The following PTPRK variants were observed in gnomAD, a reference collection of about 807,000 sequenced individuals.
The protein encoded by PTPRK is receptor-type tyrosine-protein phosphatase kappa.
In PTPRK, 75 loss-of-function variants were observed where a neutral mutation model predicts 178.0. The observed-to-expected ratio is 0.42, with a 90% CI of 0.35 to 0.51. The LOEUF is 0.51. Among genes scored for constraint, PTPRK ranks in the 20% least tolerant of loss-of-function variants. The pLI is 0.02. For missense variants in PTPRK, 1,441 were observed against 1,797.8 expected, an observed-to-expected ratio of 0.80 and a Z score of 3.59; for synonymous variants, 637 against 620.6, an observed-to-expected ratio of 1.03 and a Z score of -0.39.
intron 2 of PTPRK, among the ~76,000 whole-genome samples, chr6:128,366,572 C>T (rs1003973055): frequency 7.9e-5 from 12 of 152,084 alleles, no homozygotes; most frequent in Non-Finnish European, 1.8e-4. Flanking sequence ...TCACAGTATC[C>T]ATTTTTATGG....
intron 8 of PTPRK, among the ~76,000 whole-genome samples, chr6:128,089,067 T>C (rs567536832): frequency 3.4e-4 from 52 of 152,298 alleles, no homozygotes; most frequent in African/African-American, 1.3e-3. Flanking sequence ...GTTCAAGTGA[T>C]TCTCCTGCCT....
At chr6:128,439,194 C>T (rs1845988170) in intron 1 of PTPRK, among the ~76,000 whole-genome samples, 1 of 152,094 alleles carries the variant, frequency 6.6e-6, no homozygotes, top group African/African-American at 2.4e-5. Flanking sequence ...TTATGCATTT[C>T]CCCTTCCCCT....
chr6:128,282,566 T>C (rs1447611346), intron 3 of PTPRK, among the ~76,000 whole-genome samples: 2 of 152,208 alleles, frequency 1.3e-5, no homozygotes, highest in Admixed American at 1.3e-4. Flanking sequence ...TGCTTCACAA[T>C]TGCAATTTTA....
At position 128,257,138 on chromosome 6, in the gene PTPRK, G is replaced by A. The variant is rs562334418; in HGVS notation, c.496-14536C>T. On this transcript the variant is annotated intron_variant, in intron 3 of 29. Coordinates refer to ENST00000368226, the MANE Select transcript of PTPRK (RefSeq NM_002844.4). ...CCAGCTACTCGGGAGGCTGAGGCAG[G>A]AGAATTGCTTGAACATGGGAGGCGG... is the stretch of plus-strand genomic sequence containing the variant. Among the ~76,000 whole-genome samples, 6 of 151,814 alleles carry A rather than the reference G, an allele frequency of 4.0e-5. No individual in the cohort carries two copies. The South Asian group carries it at 1.0e-3, about 26-fold the overall frequency.
At chr6:128,470,714 G>A (rs1318632421) in intron 1 of PTPRK, among the ~76,000 whole-genome samples, 1 of 144,490 alleles carries the variant, frequency 6.9e-6, no homozygotes, top group Non-Finnish European at 1.5e-5. Context: ...CAGGTTCAAT[G>A]AGGCATTATC....
rs1356373963 is a variant in PTPRK at position 128,302,143 on chromosome 6, C to A, written c.495+19896G>T. 2.6e-5 allele frequency among the ~76,000 whole-genome samples: 4 copies of A among 152,164 alleles called. No homozygotes were observed. In the East Asian group the frequency reaches 7.7e-4, roughly 29 times the overall value. ...GTGGCTCACGCCTGTAATCTCAACA[C>A]TTTGGGAGGCCGGGGTGGGCGGATC... On this transcript the variant is annotated intron_variant, in intron 3 of 29. Transcript: ENST00000368226.
chr6:128,397,160 T>G (rs553632540), intron 2 of PTPRK, among the ~76,000 whole-genome samples: 91 of 152,296 alleles, frequency 6.0e-4, no homozygotes, highest in African/African-American at 2.1e-3. Context: ...CTCCTTACAA[T>G]GTAATAAAAT....
chr6:128,057,635 T>C (rs1780123748), intron 13 of PTPRK, among the ~76,000 whole-genome samples: 2 of 152,198 alleles, frequency 1.3e-5, no homozygotes. Context: ...AAGAGGCTCT[T>C]GGAAGCTTGC....
intron 3 of PTPRK, among the ~76,000 whole-genome samples, chr6:128,246,559 T>C (rs1210522101): frequency 6.6e-6 from 1 of 152,258 alleles, no homozygotes; most frequent in Non-Finnish European, 1.5e-5. Flanking sequence ...GCTAAAGATC[T>C]AATCAGCTTT....
chr6:128,188,878 C>A (rs1382769142), intron 6 of PTPRK, among the ~76,000 whole-genome samples: 2 of 152,214 alleles, frequency 1.3e-5, no homozygotes, highest in African/African-American at 2.4e-5. Flanking sequence ...CCTCTGCCTT[C>A]CATATGGATA....
chr6:127,982,397 C>A (rs534409346), intron 24 of PTPRK, among the ~76,000 whole-genome samples: 1 of 152,044 alleles, frequency 6.6e-6, no homozygotes, highest in East Asian at 1.9e-4. Flanking sequence ...CTCAGCCTCC[C>A]GAGTAGCTGG....
intron 13 of PTPRK, among the ~76,000 whole-genome samples, chr6:128,026,238 T>A (rs1471116078): frequency 2.6e-5 from 4 of 152,226 alleles, no homozygotes; most frequent in African/African-American, 9.6e-5. Context: ...TTGTTTTTAC[T>A]GCTACCAGAA....
chr6:128,240,464 C>A (rs547142589), intron 4 of PTPRK, among the ~76,000 whole-genome samples: 1 of 152,184 alleles, frequency 6.6e-6, no homozygotes, highest in Admixed American at 6.5e-5. Context: ...GATAATAAAA[C>A]AGTTACAAAC....
At chr6:128,244,384 A>G (rs946903971) in intron 3 of PTPRK, among the ~76,000 whole-genome samples, 4 of 152,190 alleles carry the variant, frequency 2.6e-5, no homozygotes, top group African/African-American at 9.6e-5. Flanking sequence ...ATGGCATAAG[A>G]AGATAAATAA....
At chr6:128,304,566 T>A (rs113612549) in intron 3 of PTPRK, among the ~76,000 whole-genome samples, 1 of 152,204 alleles carries the variant, frequency 6.6e-6, no homozygotes, top group Non-Finnish European at 1.5e-5. Context: ...TGGCTTCTTA[T>A]GAGTCTCTAA....
At chr6:128,200,428 C>T (rs1361464704) in intron 6 of PTPRK, among the ~76,000 whole-genome samples, 1 of 152,078 alleles carries the variant, frequency 6.6e-6, no homozygotes, top group South Asian at 2.1e-4. Context: ...CCACAGCATA[C>T]ATTTAAAGGT....
In PTPRK at chr6:128,019,309, A is replaced by G. The variant is rs2114754823; in HGVS notation, c.2195-10041T>C. Among the ~76,000 whole-genome samples the G allele has an allele frequency of 1.3e-5, 2 of 152,268 alleles. 1 individual carries two copies. The highest frequency in any genetic ancestry group is 1.3e-4 in the Admixed American group (2 of 15,282). On this transcript the variant is annotated intron_variant, in intron 13 of 29. Coordinates refer to ENST00000368226, the MANE Select transcript of PTPRK (RefSeq NM_002844.4). The stretch of plus-strand genomic sequence containing the variant: ...ATGTGATTAAGCTGCCTATATTAGG[A>G]GTAATGTTTAACACTGCCTTTTCAA...
intron 7 of PTPRK, among the ~76,000 whole-genome samples, chr6:128,095,611 A>G (rs1221397952): frequency 6.6e-6 from 1 of 152,188 alleles, no homozygotes; most frequent in East Asian, 1.9e-4. Flanking sequence ...CAGACTGGGA[A>G]AAAGCTATGA....
chr6:128,468,819 A>G (rs1417620585), intron 1 of PTPRK, among the ~76,000 whole-genome samples: 1 of 151,636 alleles, frequency 6.6e-6, no homozygotes, highest in Non-Finnish European at 1.5e-5. Context: ...GACAAATTCC[A>G]ATGTTTCTGT....
Sources: allele counts gnomAD v4.1 joint callset (sites outside exome capture counted in the v4.1 genomes callset), GRCh38; gene constraint gnomAD v4.1.1; transcripts MANE v1.5; gene names NCBI Gene and HGNC (gene_info 2026-07-23, HGNC 2026-07-21).